POU2AF1: variants seen among roughly 807,000 people sequenced by gnomAD.
The protein encoded by POU2AF1 is POU domain class 2-associating factor 1.
In POU2AF1, 12 loss-of-function variants were observed where a neutral mutation model predicts 26.3. The ratio of observed to expected loss-of-function variants is 0.46; its 90% confidence interval spans 0.29 to 0.74. POU2AF1 has a LOEUF of 0.74. Among genes scored for constraint, POU2AF1 ranks in the 30% least tolerant of loss-of-function variants. The pLI is 0.09. For synonymous variants in POU2AF1, 175 were observed against 148.0 expected (o/e 1.18, Z -1.32); for missense variants, 297 against 334.5 (o/e 0.89, Z 0.87).
At position 111,359,358 on chromosome 11, in the gene POU2AF1, G is replaced by A. The variant is rs79972068; in HGVS notation, c.17-440C>T. 636 of 223,676 alleles carry A rather than the reference G, an allele frequency of 2.8e-3. 10 individuals carry two copies. The highest frequency in any genetic ancestry group is 0.014 in the African/African-American group (591 of 42,840). 13.9% of individuals were successfully genotyped at this position (223,676 alleles called of 1,614,324 possible). On this transcript the variant is annotated intron_variant, in intron 1 of 4. Transcript: ENST00000393067. ...TGATTCTTGCTGACACAAGACAAAT[G>A]CAACCCTCCTGCCTGACCCCTGCAG...
At position 111,359,850 on chromosome 11, in the gene POU2AF1, T is replaced by G. The variant is rs1289531268; in HGVS notation, c.17-932A>C. The G allele has an allele frequency of 6.3e-6, 3 of 475,822 alleles. No homozygotes were observed. The Admixed American group carries it at 6.4e-5, about 10-fold the overall frequency. 29.5% of individuals were successfully genotyped at this position (475,822 alleles called of 1,614,324 possible). ...AGTTGATACTTATTGATTAATCGATTGGGTGATTCTTTAAGACATGCTGCC... is the reference window on the plus strand; with the variant it reads ...AGTTGATACTTATTGATTAATCGATGGGGTGATTCTTTAAGACATGCTGCC... On this transcript the variant is annotated intron_variant, in intron 1 of 4. Coordinates refer to ENST00000393067, the MANE Select transcript of POU2AF1 (RefSeq NM_006235.3).
chr11:111,364,595 G>A (rs45486198), intron 1 of POU2AF1, among the ~76,000 whole-genome samples: 2 of 152,078 alleles, frequency 1.3e-5, no homozygotes, highest in Non-Finnish European at 1.5e-5. Context: ...AGCCTCCAAG[G>A]CACCCTTGAG....
intron 1 of POU2AF1, chr11:111,363,535 A>G: frequency 1.0e-6 from 1 of 969,358 alleles, no homozygotes; most frequent in Non-Finnish European, 1.2e-6. Context: ...AATTTGGGAG[A>G]GGAAAAAAGT....
In POU2AF1 at chr11:111,354,108, A is replaced by G; in HGVS notation, c.*153T>C. ...AGTGAGGGAGGGAGGGGAAGGAAGA[A>G]GGGAAGGAAGGTTTACAGGTCTACA... On this transcript the variant is annotated 3_prime_UTR_variant, in exon 5 of 5. Transcript: ENST00000393067. 1.4e-6 allele frequency: 1 copy of G among 739,560 alleles called. No homozygotes were observed. Among genetic ancestry groups the G allele is most frequent in the East Asian group, 3.2e-5 (1 of 31,432 alleles). The allele number at this position is 739,560 out of a possible 1,614,324, so 45.8% of individuals were successfully genotyped here.
In POU2AF1 at chr11:111,357,497, C is replaced by T. The variant is rs752471016; in HGVS notation, c.404G>A (p.Gly135Glu). The T allele has an allele frequency of 6.2e-7, 1 of 1,614,060 alleles. No homozygotes were observed. Among genetic ancestry groups the T allele is most frequent in the Admixed American group, 1.7e-5 (1 of 60,022 alleles). The part of the protein sequence containing the change: ...QPVCPSYTVV[G>E]PSSVLTYASP... The stretch of plus-strand genomic sequence containing the variant: ...GGCATAGGTCAACACTGAGGAGGGC[C>T]CCACCACCGTGTAGCTGGGGCACAC... The change falls in exon 4 of 5, where the codon GGG (glycine) becomes GAG (glutamate). Residue 135 changes from glycine (G) to glutamate (E), a missense_variant. By Grantham distance (98) the Gly-to-Glu change is moderately conservative. Transcript: ENST00000393067.
intron 4 of POU2AF1, among the ~76,000 whole-genome samples, chr11:111,355,586 A>G (rs760033400): frequency 7.9e-5 from 12 of 151,626 alleles, no homozygotes; most frequent in South Asian, 2.1e-4. Context: ...GCTTTTCTCA[A>G]CCTCCTGGGG....
At position 111,379,184 on chromosome 11, in the gene POU2AF1, T is replaced by A. The variant is rs771276175; in HGVS notation, c.-7A>T. On this transcript the variant is annotated 5_prime_UTR_variant, in exon 1 of 5. Transcript: ENST00000393067. ...TACGTTTTTGCCAGAGCATGGCCTG[T>A]GACAGGATGTTGCCTTTTCTCTTTG... The A allele has an allele frequency of 6.2e-7, 1 of 1,614,142 alleles. No homozygotes were observed. The highest frequency in any genetic ancestry group is 1.7e-5 in the Admixed American group (1 of 60,030).
rs869115956 is a variant in POU2AF1, at chr11:111,375,390, C to CTTTTTTTTT, written c.16+3763_16+3771dup. On this transcript the variant is annotated intron_variant, in intron 1 of 4. Coordinates refer to ENST00000393067, the MANE Select transcript of POU2AF1 (RefSeq NM_006235.3). ...TGTACAACCCCAGGATACTGAGTATCTTTTTTTTTTTTTTTTTTTTTTTTG... is the reference window on the plus strand; with the variant it reads ...TGTACAACCCCAGGATACTGAGTATCTTTTTTTTTTTTTTTTTTTTTTTTTTTTTTTTTG... Among the ~76,000 whole-genome samples, 117 of 79,500 alleles carry CTTTTTTTTT rather than the reference C, an allele frequency of 1.5e-3. 10 individuals carry two copies. Among genetic ancestry groups the CTTTTTTTTT allele is most frequent in the Non-Finnish European group, 1.6e-3 (74 of 46,206 alleles). 52.2% of individuals were successfully genotyped at this position (79,500 alleles called of 152,430 possible).
intron 2 of POU2AF1, among the ~76,000 whole-genome samples, chr11:111,358,493 C>CACTCCCTCACACACAT (rs1182264458): frequency 6.7e-5 from 10 of 149,690 alleles, no homozygotes; most frequent in African/African-American, 2.5e-4. Flanking sequence ...CTGACACATA[C>CACTCCCTCACACACAT]ACATTCTCTC....
rs1861282652 is a variant in POU2AF1, at chr11:111,375,101, A to C, written c.16+4061T>G. Among the ~76,000 whole-genome samples the C allele has an allele frequency of 1.3e-5, 2 of 152,242 alleles. 1 individual carries two copies. The highest frequency in any genetic ancestry group is 4.1e-4 in the South Asian group (2 of 4,832). ...CGAATTATTTCCTGTTCCAAGGCCA[A>C]GTCCACAGGACACCAAGACAATCAG... On this transcript the variant is annotated intron_variant, in intron 1 of 4. Coordinates refer to ENST00000393067, the MANE Select transcript of POU2AF1 (RefSeq NM_006235.3).
rs150634025 is a variant in POU2AF1 at position 111,357,568 on chromosome 11, A to T, written c.333T>A (p.His111Gln). The stretch of plus-strand genomic sequence containing the variant: ...CTGAGTAGGGGCAGCTGACAGCTTC[A>T]TGGGGCACATACTCGGTGTAAGGTG... ...PWTPYTEYVPHEAVSCPYSAD... is the reference protein window; with the variant it reads ...PWTPYTEYVPQEAVSCPYSAD... The change falls in exon 4 of 5, where the codon CAT (histidine) becomes CAA (glutamine). Residue 111 changes from histidine (H) to glutamine (Q), a missense_variant. Transcript: ENST00000393067. The T allele has an allele frequency of 6.2e-7, 1 of 1,614,076 alleles. No individual in the cohort carries two copies. Among genetic ancestry groups the T allele is most frequent in the Non-Finnish European group, 8.5e-7 (1 of 1,179,982 alleles).
At chr11:111,373,158 A>G (rs143552223) in intron 1 of POU2AF1, among the ~76,000 whole-genome samples, 1 of 152,348 alleles carries the variant, frequency 6.6e-6, no homozygotes, top group Non-Finnish European at 1.5e-5. Context: ...CCAGCAATCA[A>G]ATGTAATCCA....
chr11:111,363,913 T>G, intron 1 of POU2AF1: 3 of 985,402 alleles, frequency 3.0e-6, no homozygotes, highest in Non-Finnish European at 3.6e-6. Context: ...CTTTCCACCT[T>G]AGCATGAGCC....
chr11:111,355,564 A>T (rs1056917103), intron 4 of POU2AF1, among the ~76,000 whole-genome samples: 1 of 152,128 alleles, frequency 6.6e-6, no homozygotes, highest in South Asian at 2.1e-4. Context: ...TGTTAGAATC[A>T]TTTAGGGCAG....
At position 111,354,093 on chromosome 11, in the gene POU2AF1, G is replaced by C. The variant is rs1860791859; in HGVS notation, c.*168C>G. On this transcript the variant is annotated 3_prime_UTR_variant, in exon 5 of 5. Coordinates refer to ENST00000393067, the MANE Select transcript of POU2AF1 (RefSeq NM_006235.3). ...GGGGGAGAGGGAGGAAGTGAGGGAG[G>C]GAGGGGAAGGAAGAAGGGAAGGAAG... 1 of 637,492 alleles carries C rather than the reference G, an allele frequency of 1.6e-6. No individual in the cohort carries two copies. Among genetic ancestry groups the C allele is most frequent in the Non-Finnish European group, 2.5e-6 (1 of 395,214 alleles). The allele number at this position is 637,492 out of a possible 1,614,324, so 39.5% of individuals were successfully genotyped here.
intron 1 of POU2AF1, among the ~76,000 whole-genome samples, chr11:111,371,805 G>A (rs1017446357): frequency 1.3e-5 from 2 of 152,020 alleles, no homozygotes; most frequent in South Asian, 2.1e-4. Context: ...CACACCTCTG[G>A]TGCATGCCTA....
chr11:111,359,926 T>C (rs1010176849), intron 1 of POU2AF1: 14 of 518,774 alleles, frequency 2.7e-5, no homozygotes, highest in African/African-American at 2.3e-4. Flanking sequence ...GGCAAGTGGC[T>C]CCCAGGTTCT....
At chr11:111,363,742 T>C in intron 1 of POU2AF1, 3 of 858,250 alleles carry the variant, frequency 3.5e-6, no homozygotes, top group Non-Finnish European at 4.2e-6. Context: ...AAGCCCAATT[T>C]CCCACAGTAG....
At chr11:111,374,928 G>C (rs1474580914) in intron 1 of POU2AF1, among the ~76,000 whole-genome samples, 1 of 152,100 alleles carries the variant, frequency 6.6e-6, no homozygotes, top group Non-Finnish European at 1.5e-5. Context: ...AACAATATTG[G>C]CTCTTTAGTG....
Sources: allele counts gnomAD v4.1 joint callset (sites outside exome capture counted in the v4.1 genomes callset), GRCh38; gene constraint gnomAD v4.1.1; transcripts MANE v1.5; gene names NCBI Gene and HGNC (gene_info 2026-07-23, HGNC 2026-07-21).